NUCB1: variants seen among roughly 807,000 people sequenced by gnomAD.
NUCB1 encodes nucleobindin 1, also known as nucleobindin-1.
A neutral mutation model predicts 61.2 loss-of-function variants in NUCB1; 47 were observed. The ratio of observed to expected loss-of-function variants is 0.77; its 90% CI spans 0.61 to 0.98. The LOEUF (loss-of-function observed/expected upper bound fraction) is 0.98. Among genes scored for constraint, NUCB1 ranks in the 50% least tolerant of loss-of-function variants. The pLI is 0.00. For missense variants in NUCB1, 583 were observed against 605.3 expected, an observed-to-expected ratio of 0.96 and a Z score of 0.39; for synonymous variants, 234 against 243.1, an observed-to-expected ratio of 0.96 and a Z score of 0.35.
chr19:48,905,769 G>A lies in NUCB1; in HGVS notation c.260G>A (p.Arg87Gln), dbSNP rs111959800. 0.027 allele frequency: 42,877 copies of A among 1,614,048 alleles called. 696 individuals carry two copies. The highest frequency in any genetic ancestry group is 0.033 in the Non-Finnish European group (38,400 of 1,180,016). ...TCCTGTCAGAGCGGGAAGCTGAGCC[G>A]AGAGCTGGACTTTGTCAGCCACCAC... is the stretch of plus-strand genomic sequence containing the variant. ...AEDIKSGKLS[R>Q]ELDFVSHHVR... Residue 87 changes from arginine (R) to glutamine (Q), a missense_variant, in exon 4 of 13, where the codon CGA becomes CAA. By Grantham distance (43) the Arg-to-Gln change is conservative (BLOSUM62 1). Transcript: ENST00000405315.
At chr19:48,900,618 G>A (rs1301450435) in intron 1 of NUCB1, 168 bp from the exon 2 acceptor site, 3 of 867,140 alleles carry the variant, frequency 3.5e-6, no homozygotes, top group Admixed American at 2.5e-5. Flanking sequence ...CTCCTGTGTC[G>A]GAGGAAGGGA....
rs138151162 is a variant in NUCB1 at position 48,900,805 on chromosome 19, C to G, written c.9C>G (p.Pro3=). 8.1e-6 allele frequency: 13 copies of G among 1,613,816 alleles called. No homozygotes were observed. In the African/African-American group the frequency reaches 1.6e-4, roughly 20 times the overall value. MP[P]SGPRGTLLLL... is the part of the protein sequence containing the mutation. The stretch of plus-strand genomic sequence containing the variant: ...CCACAGACCACACTGCCATGCCTCC[C>G]TCTGGGCCCCGAGGAACCCTCCTTC... Residue 3 remains proline (P), a synonymous_variant, in exon 2 of 13, where the codon CCC becomes CCG. Coordinates refer to ENST00000405315, the MANE Select transcript of NUCB1 (RefSeq NM_006184.6).
chr19:48,912,898 A>G, intron 5 of NUCB1, 113 bp from the exon 6 acceptor site: 1 of 607,434 alleles, frequency 1.6e-6, no homozygotes, highest in Non-Finnish European at 2.7e-6. Flanking sequence ...AAAGACAGGT[A>G]GAGGCTGGGG....
At position 48,905,814 on chromosome 19, in the gene NUCB1, A is replaced by ACCACGTCC; in HGVS notation, c.305_306insCCACGTCC (p.Glu102AspfsTer34). On this transcript the variant is annotated frameshift_variant, in exon 4 of 13. Coordinates refer to ENST00000405315, the MANE Select transcript of NUCB1 (RefSeq NM_006184.6). LOFTEE classifies it high-confidence loss of function. ...CACCACGTCCGCACCAAGCTGGATG[A>ACCACGTCC]GCTCAAGCGACAGGAGGTGTCACGG... 1 of 1,612,098 alleles carries ACCACGTCC rather than the reference A, an allele frequency of 6.2e-7. No homozygotes were observed. Among genetic ancestry groups the ACCACGTCC allele is most frequent in the Non-Finnish European group, 8.5e-7 (1 of 1,179,074 alleles).
Position 48,922,766 on chromosome 19 carries a change from C to T in NUCB1, c.*342C>T, listed in dbSNP as rs770839066. 4.7e-5 allele frequency: 11 copies of T among 233,586 alleles called. 1 individual carries two copies. The highest frequency in any genetic ancestry group is 1.8e-4 in the African/African-American group (8 of 43,820). 14.5% of individuals were successfully genotyped at this position (233,586 alleles called of 1,614,324 possible). On this transcript the variant is annotated 3_prime_UTR_variant, in exon 13 of 13. Coordinates refer to ENST00000405315, the MANE Select transcript of NUCB1 (RefSeq NM_006184.6). Reference sequence around the variant, plus strand: ...TCTGAGCCTGCGTTCCTAGGTGGCTCGGCCTCAGCTGCCTGGGTTGTGGCC... The same window carrying T: ...TCTGAGCCTGCGTTCCTAGGTGGCTTGGCCTCAGCTGCCTGGGTTGTGGCC...
rs1324227942 is a variant in NUCB1 at position 48,903,487 on chromosome 19, C to T, written c.136-860C>T. On this transcript the variant is annotated intron_variant, in intron 2 of 12. Coordinates refer to ENST00000405315, the MANE Select transcript of NUCB1 (RefSeq NM_006184.6). ...ATGGATGGGCGGGTGGATGGATGGG[C>T]GGGTGGATGGATGGGTGGGTGGATG... Among the ~76,000 whole-genome samples the T allele has an allele frequency of 5.0e-3, 116 of 23,098 alleles. 2 individuals are homozygous for T. The highest frequency in any genetic ancestry group is 7.5e-3 in the Admixed American group (13 of 1,722). 15.2% of individuals were successfully genotyped at this position (23,098 alleles called of 152,430 possible).
chr19:48,909,302 C>T (rs1252477682), intron 4 of NUCB1, among the ~76,000 whole-genome samples: 2 of 150,994 alleles, frequency 1.3e-5, no homozygotes, highest in African/African-American at 4.9e-5. Flanking sequence ...GGCTGGAGTG[C>T]GGTGGCGCGA....
chr19:48,921,700 A>G, intron 11 of NUCB1, 127 bp from the exon 12 acceptor site: 1 of 841,336 alleles, frequency 1.2e-6, no homozygotes, highest in Non-Finnish European at 2.0e-6. Context: ...ACTGAGGCCC[A>G]CGGAGAAGGG....
chr19:48,911,090 C>A (rs2037466371), intron 4 of NUCB1, 59 bp from the exon 5 acceptor site: 2 of 1,284,806 alleles, frequency 1.6e-6, no homozygotes, highest in South Asian at 2.5e-5. Context: ...ATGTCTGGCC[C>A]AAGATGGGGG....
intron 7 of NUCB1, among the ~76,000 whole-genome samples, chr19:48,917,882 A>G (rs2037559406): frequency 1.3e-5 from 2 of 148,154 alleles, no homozygotes; most frequent in Non-Finnish European, 3.0e-5. Context: ...TGCTCAAATG[A>G]TCTTGCCTTA....
At chr19:48,913,247 G>GC in intron 6 of NUCB1, 51 bp downstream of exon 6, 1 of 1,538,122 alleles carries the variant, frequency 6.5e-7, no homozygotes, top group Non-Finnish European at 8.8e-7. Context: ...CAGTTCAAAC[G>GC]CAAGACAAGA....
At position 48,905,854 on chromosome 19, in the gene NUCB1, C is replaced by G; in HGVS notation, c.345C>G (p.Leu115=). The G allele has an allele frequency of 6.5e-7, 1 of 1,540,950 alleles. No homozygotes were observed. The highest frequency in any genetic ancestry group is 8.8e-7 in the Non-Finnish European group (1 of 1,137,354). ...RQEVSRLRML[L]KAKMDAEQDP... is the part of the protein sequence containing the mutation. ...AGGTGTCACGGCTGCGGATGCTGCT[C>G]AAGGCCAAGATGGACGCCGAGCAGG... The change falls in exon 4 of 13, where the codon CTC becomes CTG. Residue 115 remains leucine, a synonymous_variant. Coordinates refer to ENST00000405315, the MANE Select transcript of NUCB1 (RefSeq NM_006184.6).
intron 4 of NUCB1, among the ~76,000 whole-genome samples, chr19:48,906,211 T>C (rs10403298): frequency 0.35 from 53,403 of 151,788 alleles, 12,457 homozygotes; most frequent in African/African-American, 0.67. Context: ...TTGGAGACTA[T>C]CTGGCCAACA....
rs2037503758 is a variant in NUCB1, at chr19:48,913,533, G to A, written c.726G>A (p.Arg242=). 2 of 1,614,170 alleles carry A rather than the reference G, an allele frequency of 1.2e-6. No individual in the cohort carries two copies. The highest frequency in any genetic ancestry group is 1.7e-6 in the Non-Finnish European group (2 of 1,180,022). Residue 242 remains arginine, a synonymous_variant, in exon 7 of 13, where the codon AGG becomes AGA. Transcript: ENST00000405315. Reference sequence around the variant, plus strand: ...AGCTGGATGGACTGGACCCCAACAGGTTTAACCCCAAGACCTTCTTCATAC... The same window carrying A: ...AGCTGGATGGACTGGACCCCAACAGATTTAACCCCAAGACCTTCTTCATAC... The part of the protein sequence containing the change: ...WEELDGLDPN[R]FNPKTFFILH...
At position 48,921,343 on chromosome 19, in the gene NUCB1, G is replaced by A. The variant is rs1332435957; in HGVS notation, c.1173+19G>A. ...GCAGCAGGTGACAGCGGGGGAAGCT[G>A]CTTCCATCCACTGAATCTCTGGCTG... is the stretch of plus-strand genomic sequence containing the variant. On this transcript the variant is annotated intron_variant, in intron 11 of 12. Transcript: ENST00000405315. 6.4e-7 allele frequency: 1 copy of A among 1,564,018 alleles called. No homozygotes were observed. Among genetic ancestry groups the A allele is most frequent in the South Asian group, 1.2e-5 (1 of 85,082 alleles).
intron 2 of NUCB1, among the ~76,000 whole-genome samples, chr19:48,901,328 G>A (rs958804869): frequency 1.2e-4 from 19 of 152,144 alleles, no homozygotes; most frequent in Admixed American, 8.5e-4. Context: ...ACAGAAGGGC[G>A]GGTGAACTGC....
chr19:48,905,151 GT>G (rs1024067554), intron 3 of NUCB1, among the ~76,000 whole-genome samples: 3 of 152,184 alleles, frequency 2.0e-5, no homozygotes, highest in Admixed American at 1.3e-4. Context: ...TGTGTAAAGG[GT>G]TTGGAAGAGC....
At chr19:48,921,055 C>A in intron 10 of NUCB1, 99 bp from the exon 11 acceptor site, 1 of 1,364,944 alleles carries the variant, frequency 7.3e-7, no homozygotes, top group Non-Finnish European at 9.9e-7. Flanking sequence ...CCTGGCCTCC[C>A]AGCCTCCTCT....
At chr19:48,900,993 C>A in intron 2 of NUCB1, 62 bp downstream of exon 2, 1 of 1,598,940 alleles carries the variant, frequency 6.3e-7, no homozygotes, top group Non-Finnish European at 8.6e-7. Flanking sequence ...CTCCTGCAGA[C>A]CCCGGTGCCC....
Sources: allele counts gnomAD v4.1 joint callset (sites outside exome capture counted in the v4.1 genomes callset), GRCh38; gene constraint gnomAD v4.1.1; transcripts MANE v1.5; gene names NCBI Gene and HGNC (gene_info 2026-07-23, HGNC 2026-07-21).